ALK: variants seen among roughly 807,000 people sequenced by gnomAD.
The protein encoded by ALK is ALK tyrosine kinase receptor.
In ALK, 74 loss-of-function variants were observed where a neutral mutation model predicts 163.1. The observed-to-expected ratio is 0.45, with a 90% CI of 0.38 to 0.55. The LOEUF (loss-of-function observed/expected upper bound fraction) is 0.55. Ranked by LOEUF, ALK falls within the 20% of genes least tolerant of loss-of-function variation. ALK has a pLI of 0.00. For synonymous variants in ALK, 960 were observed against 843.2 expected (o/e 1.14, Z -2.40); for missense variants, 2,063 against 2,105.3 (o/e 0.98, Z 0.39).
chr2:29,345,354 A>G (rs1047597744), intron 5 of ALK, among the ~76,000 whole-genome samples: 4 of 151,902 alleles, frequency 2.6e-5, no homozygotes, highest in African/African-American at 4.8e-5. Flanking sequence ...GCCTGTAGTG[A>G]GTTGTGATCT....
At chr2:29,270,819 C>T (rs1447520076) in intron 11 of ALK, among the ~76,000 whole-genome samples, 3 of 152,098 alleles carry the variant, frequency 2.0e-5, no homozygotes, top group Admixed American at 2.0e-4. Flanking sequence ...TATCTGAGTT[C>T]CCTCCAGAGG....
intron 1 of ALK, among the ~76,000 whole-genome samples, chr2:29,773,280 G>T (rs1280137567): frequency 6.6e-6 from 1 of 151,784 alleles, no homozygotes; most frequent in Non-Finnish European, 1.5e-5. Context: ...AGAACTAGTT[G>T]TTCAACACTT....
At chr2:29,391,943 C>G (rs1669185246) in intron 4 of ALK, among the ~76,000 whole-genome samples, 2 of 152,196 alleles carry the variant, frequency 1.3e-5, no homozygotes, top group African/African-American at 4.8e-5. Flanking sequence ...TACTAATTGA[C>G]TCATAAAGGG....
chr2:29,528,148 A>C (rs1011401958), intron 4 of ALK, among the ~76,000 whole-genome samples: 1 of 152,166 alleles, frequency 6.6e-6, no homozygotes, highest in Admixed American at 6.5e-5. Context: ...TTGAGGCCCA[A>C]TTCTTCCCTC....
rs1573077572 is a variant in ALK at position 29,193,385 on chromosome 2, C to T, written c.4702G>A (p.Glu1568Lys). 1 of 1,614,186 alleles carries T rather than the reference C, an allele frequency of 6.2e-7. No homozygotes were observed. Among genetic ancestry groups the T allele is most frequent in the Middle Eastern group, 1.6e-4 (1 of 6,062 alleles). Reference protein sequence around the residue: ...EPSSLTANMKEVPLFRLRHFP... With the variant: ...EPSSLTANMKKVPLFRLRHFP... ...TGACGTAGCCTGAACAGAGGTACCT[C>T]CTTCATATTGGCAGTCAGCGAAGAG... Residue 1568 changes from glutamate (E) to lysine (K), a missense_variant, in exon 29 of 29, where the codon GAG becomes AAG. Glu to Lys is a moderately conservative substitution (Grantham distance 56, BLOSUM62 1). Transcript: ENST00000389048.
chr2:29,724,667 G>T (rs772509052), intron 1 of ALK, among the ~76,000 whole-genome samples: 3 of 152,124 alleles, frequency 2.0e-5, no homozygotes, highest in Non-Finnish European at 4.4e-5. Context: ...CCTTCTCTAG[G>T]CCTGGAAAAT....
chr2:29,453,267 T>TCA (rs1670868302), intron 4 of ALK, among the ~76,000 whole-genome samples: 1 of 152,242 alleles, frequency 6.6e-6, no homozygotes, highest in Admixed American at 6.5e-5. Context: ...AGTCTCAGTC[T>TCA]GTTGCCCAGG....
chr2:29,251,929 G>A (rs1558638926), intron 11 of ALK, among the ~76,000 whole-genome samples: 1 of 152,218 alleles, frequency 6.6e-6, no homozygotes, highest in Non-Finnish European at 1.5e-5. Context: ...TAACAGACCT[G>A]CAGCAAGGCA....
chr2:29,461,164 A>G (rs1419461587), intron 4 of ALK, among the ~76,000 whole-genome samples: 1 of 152,200 alleles, frequency 6.6e-6, no homozygotes, highest in East Asian at 1.9e-4. Flanking sequence ...GAAGCTGCAG[A>G]AGAAAAGTTT....
At chr2:29,880,515 T>C (rs1666829292) in intron 1 of ALK, among the ~76,000 whole-genome samples, 1 of 152,170 alleles carries the variant, frequency 6.6e-6, no homozygotes, top group Admixed American at 6.5e-5. Flanking sequence ...AGCCATTGAC[T>C]TAGTGGCTGT....
At position 29,881,383 on chromosome 2, in the gene ALK, T is replaced by G. The variant is rs192252643; in HGVS notation, c.667+38610A>C. On this transcript the variant is annotated intron_variant, in intron 1 of 28. Coordinates refer to ENST00000389048, the MANE Select transcript of ALK (RefSeq NM_004304.5). Reference sequence around the variant, plus strand: ...TCATTAATTATGATCTTCCCTCTTCTGATTGGCAGGTTGGTGCTTTTATCA... The same window carrying G: ...TCATTAATTATGATCTTCCCTCTTCGGATTGGCAGGTTGGTGCTTTTATCA... Among the ~76,000 whole-genome samples, 47 of 152,316 alleles carry G rather than the reference T, an allele frequency of 3.1e-4. No individual in the cohort carries two copies. The East Asian group carries it at 8.5e-3, about 28-fold the overall frequency.
At position 29,220,776 on chromosome 2, in the gene ALK, C is replaced by T. The variant is rs113994089; in HGVS notation, c.3575G>A (p.Arg1192Gln). 2.5e-6 allele frequency: 4 copies of T among 1,613,950 alleles called. No individual in the cohort carries two copies. Among genetic ancestry groups the T allele is most frequent in the African/African-American group, 1.3e-5 (1 of 74,908 alleles). ...CIGVSLQSLP[R>Q]FILLELMAGG... Reference sequence around the variant, plus strand: ...CGCCATGAGCTCCAGCAGGATGAACCGGGGCAGGGATTGCAGGCTCACCCC... The same window carrying T: ...CGCCATGAGCTCCAGCAGGATGAACTGGGGCAGGGATTGCAGGCTCACCCC... Residue 1192 changes from arginine (R) to glutamine (Q), a missense_variant, in exon 23 of 29, where the codon CGG (arginine) becomes CAG (glutamine). Arg to Gln is a conservative substitution (Grantham distance 43). This residue lies in a region of ALK where 575 missense variants were observed against 626.6 expected (regional missense o/e 0.92). Transcript: ENST00000389048.
At chr2:29,353,599 G>C (rs915050417) in intron 5 of ALK, among the ~76,000 whole-genome samples, 1 of 152,102 alleles carries the variant, frequency 6.6e-6, no homozygotes, top group South Asian at 2.1e-4. Flanking sequence ...GCCTGCTCCT[G>C]TCTGTACACC....
intron 5 of ALK, among the ~76,000 whole-genome samples, chr2:29,374,228 C>T (rs764284483): frequency 6.6e-6 from 1 of 152,122 alleles, no homozygotes; most frequent in Non-Finnish European, 1.5e-5. Flanking sequence ...GCTCTGCACG[C>T]AACATCTGTT....
chr2:29,699,942 C>T (rs1678683105), intron 2 of ALK, among the ~76,000 whole-genome samples: 1 of 152,194 alleles, frequency 6.6e-6, no homozygotes, highest in Non-Finnish European at 1.5e-5. Flanking sequence ...TGGGCTTGGT[C>T]CTGCACAGAG....
chr2:29,631,601 T>C (rs77473635), intron 3 of ALK, among the ~76,000 whole-genome samples: 3,292 of 152,354 alleles, frequency 0.022, 115 homozygotes, highest in African/African-American at 0.075. Context: ...TTTGATTTCA[T>C]TGCTTGAAAT....
intron 8 of ALK, among the ~76,000 whole-genome samples, chr2:29,308,133 AAATT>A (rs1361123087): frequency 6.6e-6 from 1 of 152,022 alleles, no homozygotes; most frequent in Non-Finnish European, 1.5e-5. Context: ...AAAAACAATG[AAATT>A]AATTTAGAGT....
At position 29,763,221 on chromosome 2, in the gene ALK, A is replaced by G. The variant is rs532911646; in HGVS notation, c.668-45524T>C. ...CAGACCTCAATTTCTTCATCTGTAC[A>G]ATGAGAATAATAGTATCTATCATGT... On this transcript the variant is annotated intron_variant, in intron 1 of 28. Transcript: ENST00000389048. 2.6e-5 allele frequency among the ~76,000 whole-genome samples: 4 copies of G among 152,306 alleles called. 1 individual carries two copies. In the South Asian group the frequency reaches 8.3e-4, roughly 32 times the overall value.
At chr2:29,905,515 AAAG>A (rs781608569) in intron 1 of ALK, among the ~76,000 whole-genome samples, 9 of 152,032 alleles carry the variant, frequency 5.9e-5, no homozygotes, top group Non-Finnish European at 1.3e-4. Flanking sequence ...ACTATGAAAG[AAAG>A]AAGGTAAGAG....
Sources: gnomAD v4.1 joint callset for allele counts (sites outside exome capture counted in the v4.1 genomes callset) on GRCh38, gnomAD v4.1.1 for gene constraint, gnomAD v4.1.1 regional missense constraint, MANE v1.5 for transcripts, NCBI Gene and HGNC (gene_info 2026-07-23, HGNC 2026-07-21) for gene names.